RNF212: variants seen among roughly 807,000 people sequenced by gnomAD.
RNF212 encodes ring finger protein 212.
Under a neutral mutation model 34.7 loss-of-function variants are expected in RNF212, and 33 were observed. The observed-to-expected ratio is 0.95, with a 90% CI of 0.72 to 1.27. RNF212 has a LOEUF of 1.27. RNF212 is among the 50% of genes most tolerant of loss of function. The pLI is 0.00. For synonymous variants in RNF212, 140 were observed against 136.1 expected (o/e 1.03, Z -0.20); for missense variants, 377 against 362.2 (o/e 1.04, Z -0.33).
At chr4:1,073,948 G>A (rs1560101536) in intron 8 of RNF212, among the ~76,000 whole-genome samples, 1 of 151,888 alleles carries the variant, frequency 6.6e-6, no homozygotes, top group Non-Finnish European at 1.5e-5. Context: ...GGAATTTTAG[G>A]TGAAAAAAAA....
chr4:1,112,071 G>A (rs1577856327), intron 1 of RNF212, among the ~76,000 whole-genome samples: 1 of 152,346 alleles, frequency 6.6e-6, no homozygotes, highest in Middle Eastern at 3.4e-3. Context: ...AGGGGTGCGT[G>A]GCTGCACATG....
chr4:1,080,134 G>T lies in RNF212; in HGVS notation c.465-446C>A, dbSNP rs112182981. On this transcript the variant is annotated intron_variant, in intron 7 of 9. Coordinates refer to ENST00000433731, the MANE Select transcript of RNF212 (RefSeq NM_001131034.4). ...CACCGTGCACGCTCGGTACGCACTA[G>T]TTCCTTCATTTGCCAAAGGCAGACA... Among the ~76,000 whole-genome samples the T allele has an allele frequency of 4.9e-3, 751 of 152,348 alleles. 5 individuals carry two copies. The highest frequency in any genetic ancestry group is 0.017 in the African/African-American group (712 of 41,580).
chr4:1,075,917 C>T (rs1719220842), intron 8 of RNF212, among the ~76,000 whole-genome samples: 1 of 152,190 alleles, frequency 6.6e-6, no homozygotes, highest in African/African-American at 2.4e-5. Flanking sequence ...CCTGACTCAG[C>T]TCCCAAAGTG....
intron 2 of RNF212, among the ~76,000 whole-genome samples, chr4:1,107,673 A>T (rs1431865980): frequency 6.6e-6 from 1 of 151,710 alleles, no homozygotes; most frequent in Admixed American, 6.6e-5. Context: ...GATGGTCTTG[A>T]TCTCCTGATC....
chr4:1,094,011 G>A, intron 3 of RNF212: 1 of 1,532,830 alleles, frequency 6.5e-7, no homozygotes, highest in African/African-American at 1.4e-5. Context: ...GAAAGCCTGA[G>A]ATACTGTGGG....
intron 8 of RNF212, among the ~76,000 whole-genome samples, chr4:1,077,448 G>T (rs1407532422): frequency 1.3e-5 from 2 of 152,032 alleles, no homozygotes; most frequent in East Asian, 3.8e-4. Context: ...GCCCAGGCTG[G>T]TCTTAAACTC....
chr4:1,111,350 T>C (rs1312040930), intron 1 of RNF212, among the ~76,000 whole-genome samples: 1 of 152,198 alleles, frequency 6.6e-6, no homozygotes, highest in Non-Finnish European at 1.5e-5. Flanking sequence ...CCTGGCTGTC[T>C]TGAGTTCCAG....
rs1722450032 is a variant in RNF212, at chr4:1,093,054, A to G, written c.247-2216T>C. 4.6e-5 allele frequency among the ~76,000 whole-genome samples: 7 copies of G among 152,316 alleles called. No individual in the cohort carries two copies. The South Asian group carries it at 1.5e-3, about 32-fold the overall frequency. On this transcript the variant is annotated intron_variant, in intron 3 of 9. Coordinates refer to ENST00000433731, the MANE Select transcript of RNF212 (RefSeq NM_001131034.4). ...GGCAGAGGCTGGGTGGATGGAACGGATCTTAGAGGATTACTGGGAAGAGGA... is the reference window on the plus strand; with the variant it reads ...GGCAGAGGCTGGGTGGATGGAACGGGTCTTAGAGGATTACTGGGAAGAGGA...
At chr4:1,079,603 T>G (rs1719996504) in intron 8 of RNF212, 40 bp downstream of exon 8, 1 of 1,390,154 alleles carries the variant, frequency 7.2e-7, no homozygotes, top group Non-Finnish European at 1.0e-6. Context: ...ATGCCACACG[T>G]CTGGTATACA....
intron 4 of RNF212, among the ~76,000 whole-genome samples, chr4:1,086,261 C>T (rs1721145695): frequency 6.6e-6 from 1 of 152,072 alleles, no homozygotes; most frequent in Admixed American, 6.5e-5. Context: ...CTCAAAGTCA[C>T]ACACAAGCAC....
rs1363282156 is a variant in RNF212, at chr4:1,063,318, T to C, written n.148-4925A>G. ...AATTTCAAAAGTTACTATAAAGCTT[T>C]AGTAAGTGAAAGACAAAAAGAAAAA... is the stretch of plus-strand genomic sequence containing the variant. On this transcript the variant is annotated intron_variant and non_coding_transcript_variant, in intron 3 of 4. Transcript: ENST00000503206. 7.2e-5 allele frequency among the ~76,000 whole-genome samples: 11 copies of C among 152,332 alleles called. No homozygotes were observed. The East Asian group carries it at 2.1e-3, about 29-fold the overall frequency.
intron 1 of RNF212, 38 bp downstream of exon 1, chr4:1,113,318 C>T (rs752510935): frequency 8.1e-6 from 11 of 1,362,972 alleles, no homozygotes; most frequent in Admixed American, 2.2e-5. Flanking sequence ...CCTTGCCGCT[C>T]CCCTCCCCTC....
intron 2 of RNF212, among the ~76,000 whole-genome samples, chr4:1,101,818 G>A (rs1406412357): frequency 6.6e-6 from 1 of 152,102 alleles, no homozygotes; most frequent in Non-Finnish European, 1.5e-5. Context: ...TGCAGCAGGG[G>A]GTAAACTACT....
chr4:1,069,556 T>C (rs1038473573), downstream of RNF212, among the ~76,000 whole-genome samples: 3 of 152,120 alleles, frequency 2.0e-5, no homozygotes, highest in Admixed American at 6.5e-5. Context: ...GCGACCAAGG[T>C]GAACATCCTC....
intron 2 of RNF212, among the ~76,000 whole-genome samples, chr4:1,097,439 C>T (rs897387966): frequency 4.0e-5 from 6 of 151,540 alleles, no homozygotes; most frequent in Non-Finnish European, 7.4e-5. Flanking sequence ...CCCGTCTCTA[C>T]TAAAAATATA....
chr4:1,063,180 C>CT (rs1253758894), intron 3 of RNF212, among the ~76,000 whole-genome samples: 2 of 152,140 alleles, frequency 1.3e-5, no homozygotes, highest in African/African-American at 4.8e-5. Flanking sequence ...TTTCAACCTG[C>CT]TTTGTCAGCA....
In RNF212 at chr4:1,058,370, C is replaced by T. The variant is rs1489108243; in HGVS notation, n.171G>A. 25 of 983,736 alleles carry T rather than the reference C, an allele frequency of 2.5e-5. 2 individuals carry two copies. Among genetic ancestry groups the T allele is most frequent in the Middle Eastern group, 2.8e-4 (1 of 3,522 alleles). 60.9% of individuals were successfully genotyped at this position (983,736 alleles called of 1,614,324 possible). ...TGACTCGTTGTCAGGCCGGGATGCT[C>T]GGGGCCCAGGGAGGAGACGCTGCCT... On this transcript the variant is annotated non_coding_transcript_exon_variant, in exon 4 of 5. Transcript: ENST00000503206.
intron 3 of RNF212, among the ~76,000 whole-genome samples, chr4:1,063,694 CAAAAAA>C (rs61295899): frequency 5.3e-5 from 7 of 131,496 alleles, no homozygotes; most frequent in Admixed American, 1.6e-4. Flanking sequence ...GACTCAGTCT[CAAAAAA>C]AAAAAAAAAA....
At chr4:1,080,493 C>A (rs1464401826) in intron 7 of RNF212, among the ~76,000 whole-genome samples, 11 of 152,286 alleles carry the variant, frequency 7.2e-5, no homozygotes. Context: ...GTGGACAAAA[C>A]CCACTTGGCT....
Sources: allele counts gnomAD v4.1 joint callset (sites outside exome capture counted in the v4.1 genomes callset), GRCh38; gene constraint gnomAD v4.1.1; transcripts MANE v1.5; gene names NCBI Gene and HGNC (gene_info 2026-07-23, HGNC 2026-07-21).